Variants in ASIC2 observed in about 807,000 individuals in gnomAD.
ASIC2 encodes acid sensing ion channel subunit 2.
A neutral mutation model predicts 57.3 loss-of-function variants in ASIC2; 25 were observed. The ratio of observed to expected loss-of-function variants is 0.44; its 90% CI spans 0.32 to 0.61. The LOEUF (loss-of-function observed/expected upper bound fraction) is 0.61. Among genes scored for constraint, ASIC2 ranks in the 20% least tolerant of loss-of-function variants. ASIC2 has a pLI of 0.06. For missense variants in ASIC2, 641 were observed against 738.1 expected (o/e 0.87, Z 1.52); for synonymous variants, 319 against 307.5 (o/e 1.04, Z -0.39).
At chr17:33,371,983 AG>A (rs1909084560) in intron 1 of ASIC2, among the ~76,000 whole-genome samples, 1 of 152,000 alleles carries the variant, frequency 6.6e-6, no homozygotes, top group Admixed American at 6.6e-5. Flanking sequence ...TGAGCTGGGG[AG>A]GCAGTGAGGG....
At chr17:34,103,537 G>A (rs921612466) in intron 1 of ASIC2, among the ~76,000 whole-genome samples, 32 of 151,216 alleles carry the variant, frequency 2.1e-4, no homozygotes, top group South Asian at 2.1e-4. Flanking sequence ...AACATTTTTC[G>A]TTATCCTGTA....
rs538554382 is a variant in ASIC2 at position 33,425,416 on chromosome 17, G to A, written c.556-313349C>T. Among the ~76,000 whole-genome samples the A allele has an allele frequency of 3.9e-5, 6 of 152,336 alleles. No homozygotes were observed. The South Asian group carries it at 1.0e-3, about 26-fold the overall frequency. ...TACAGACAGGCAGTTATGAATTAGA[G>A]AGATGTACATAATAGTTGGGGGAAA... On this transcript the variant is annotated intron_variant, in intron 1 of 9. Transcript: ENST00000359872.
chr17:33,080,741 G>A (rs2092109976), intron 3 of ASIC2, among the ~76,000 whole-genome samples: 1 of 152,162 alleles, frequency 6.6e-6, no homozygotes, highest in African/African-American at 2.4e-5. Flanking sequence ...ATACCTTGAT[G>A]GTAAATCTGA....
intron 1 of ASIC2, among the ~76,000 whole-genome samples, chr17:33,651,285 C>T (rs1906911431): frequency 6.6e-6 from 1 of 152,124 alleles, no homozygotes; most frequent in Non-Finnish European, 1.5e-5. Context: ...TTGAGAGAAG[C>T]TGGGTGAGTG....
intron 1 of ASIC2, among the ~76,000 whole-genome samples, chr17:33,608,354 G>A (rs1345930803): frequency 6.6e-6 from 1 of 152,110 alleles, no homozygotes; most frequent in Non-Finnish European, 1.5e-5. Flanking sequence ...GCTCCTTCCA[G>A]TAGGCCCTAA....
At chr17:34,045,313 A>T (rs1276986154) in intron 1 of ASIC2, among the ~76,000 whole-genome samples, 1 of 152,218 alleles carries the variant, frequency 6.6e-6, no homozygotes. Flanking sequence ...TGTGAGCCAG[A>T]GTTATGCCAG....
At chr17:33,225,909 T>C (rs1214039741) in intron 1 of ASIC2, among the ~76,000 whole-genome samples, 1 of 152,218 alleles carries the variant, frequency 6.6e-6, no homozygotes, top group East Asian at 1.9e-4. Context: ...CCTACCATCA[T>C]CACATTAGAC....
At chr17:33,887,608 C>A (rs1161337930) in intron 1 of ASIC2, among the ~76,000 whole-genome samples, 1 of 151,992 alleles carries the variant, frequency 6.6e-6, no homozygotes, top group African/African-American at 2.4e-5. Flanking sequence ...AGAGGTGAGA[C>A]CTTTTGTGGT....
chr17:33,082,701 A>AAAATAAATAAAT (rs34712140), intron 3 of ASIC2, among the ~76,000 whole-genome samples: 75 of 139,586 alleles, frequency 5.4e-4, no homozygotes, highest in East Asian at 6.5e-4. Flanking sequence ...TCTGTCTCCA[A>AAAATAAATAAAT]AAATAAATAA....
At chr17:34,023,946 C>T (rs560734303) in intron 1 of ASIC2, among the ~76,000 whole-genome samples, 1 of 152,310 alleles carries the variant, frequency 6.6e-6, no homozygotes, top group South Asian at 2.1e-4. Flanking sequence ...CTATAACATA[C>T]AGATCTAATC....
intron 1 of ASIC2, among the ~76,000 whole-genome samples, chr17:33,143,467 C>T (rs1046874684): frequency 6.6e-6 from 1 of 152,078 alleles, no homozygotes; most frequent in South Asian, 2.1e-4. Flanking sequence ...ATATATTATC[C>T]CTAATCCTTC....
intron 3 of ASIC2, among the ~76,000 whole-genome samples, chr17:33,050,097 G>C (rs1156888217): frequency 1.3e-5 from 2 of 152,182 alleles, no homozygotes; most frequent in African/African-American, 2.4e-5. Flanking sequence ...CTCAACGGAA[G>C]ACCTGAGCCC....
chr17:33,970,898 T>A (rs1905211353), intron 1 of ASIC2, among the ~76,000 whole-genome samples: 1 of 152,144 alleles, frequency 6.6e-6, no homozygotes. Context: ...CCCAGGTGTC[T>A]GAGTCACTCG....
chr17:33,077,074 G>A (rs2092091708), intron 3 of ASIC2, among the ~76,000 whole-genome samples: 2 of 151,962 alleles, frequency 1.3e-5, no homozygotes, highest in Non-Finnish European at 2.9e-5. Context: ...AGCTGTCCCA[G>A]CTGCCCTCTC....
At chr17:33,664,608 C>T (rs1305377118) in intron 1 of ASIC2, among the ~76,000 whole-genome samples, 3 of 152,116 alleles carry the variant, frequency 2.0e-5, no homozygotes, top group Non-Finnish European at 4.4e-5. Context: ...GTCAGGCAGC[C>T]AAGTGTCACA....
At chr17:33,371,982 G>A (rs1196284514) in intron 1 of ASIC2, among the ~76,000 whole-genome samples, 1 of 152,064 alleles carries the variant, frequency 6.6e-6, no homozygotes, top group African/African-American at 2.4e-5. Context: ...GTGAGCTGGG[G>A]AGGCAGTGAG....
chr17:33,413,746 C>T (rs1311284430), intron 1 of ASIC2, among the ~76,000 whole-genome samples: 1 of 152,240 alleles, frequency 6.6e-6, no homozygotes, highest in Non-Finnish European at 1.5e-5. Flanking sequence ...GCTCTCAGCT[C>T]AAATATTCTT....
chr17:33,954,433 C>T (rs1309032963), intron 1 of ASIC2, among the ~76,000 whole-genome samples: 2 of 152,200 alleles, frequency 1.3e-5, no homozygotes, highest in African/African-American at 4.8e-5. Flanking sequence ...AAGCTGGGAG[C>T]AAGCTCCCAA....
intron 1 of ASIC2, among the ~76,000 whole-genome samples, chr17:33,199,337 T>C (rs1240659491): frequency 6.6e-6 from 1 of 152,190 alleles, no homozygotes; most frequent in African/African-American, 2.4e-5. Flanking sequence ...AGCCAACTTG[T>C]TTAATCATCA....
Sources: allele counts gnomAD v4.1 joint callset (sites outside exome capture counted in the v4.1 genomes callset), GRCh38; gene constraint gnomAD v4.1.1; transcripts MANE v1.5; gene names NCBI Gene and HGNC (gene_info 2026-07-23, HGNC 2026-07-21).